DHRSX: variants seen among roughly 807,000 people sequenced by gnomAD.
DHRSX encodes the protein dehydrogenase/reductase X-linked, also known as polyprenol dehydrogenase.
Under a neutral mutation model 34.0 loss-of-function variants are expected in DHRSX, and 31 were observed. The observed-to-expected ratio is 0.91, with a 90% CI of 0.69 to 1.23. The LOEUF (loss-of-function observed/expected upper bound fraction) is 1.23. Among genes scored for constraint, DHRSX ranks in the 50% most tolerant of loss-of-function variants. The pLI, the probability that DHRSX is intolerant of heterozygous loss-of-function variation, is 0.00. For missense variants in DHRSX, 414 were observed against 428.1 expected (o/e 0.97, Z 0.29); for synonymous variants, 201 against 183.8 (o/e 1.09, Z -0.76).
chrX:2,346,024 G>A (rs187820563), intron 3 of DHRSX, among the ~76,000 whole-genome samples: 3 of 152,230 alleles, frequency 2.0e-5, no homozygotes, highest in Non-Finnish European at 4.4e-5. Context: ...CCCACCTCCC[G>A]TGGTATCCTT....
At chrX:2,230,671 C>T (rs186062631) in intron 6 of DHRSX, among the ~76,000 whole-genome samples, 291 of 152,262 alleles carry the variant, frequency 1.9e-3, no homozygotes, top group South Asian at 8.5e-3. Flanking sequence ...AAGGCCTTCA[C>T]AGCAAACACT....
intron 3 of DHRSX, among the ~76,000 whole-genome samples, chrX:2,404,386 G>C (rs1026522563): frequency 1.6e-4 from 24 of 152,132 alleles, no homozygotes; most frequent in African/African-American, 5.1e-4. Context: ...GCAGGGAATA[G>C]GACCCCCTGT....
At chrX:2,319,283 G>A (rs1234386933) in intron 3 of DHRSX, among the ~76,000 whole-genome samples, 4 of 136,288 alleles carry the variant, frequency 2.9e-5, no homozygotes, top group Non-Finnish European at 6.1e-5. Context: ...AGTGACTCAC[G>A]CCTATAATCC....
chrX:2,242,966 C>A (rs1192166266), intron 6 of DHRSX, 57 bp downstream of exon 6: 12 of 1,562,442 alleles, frequency 7.7e-6, no homozygotes, highest in Non-Finnish European at 9.6e-6. Flanking sequence ...CTGGGGACCC[C>A]CTTTCCTGTA....
chrX:2,270,835 T>TC (rs766040762), intron 4 of DHRSX, among the ~76,000 whole-genome samples: 7 of 152,164 alleles, frequency 4.6e-5, no homozygotes, highest in Admixed American at 4.6e-4. Flanking sequence ...AATGGACCAT[T>TC]CAGCAGTCTG....
intron 6 of DHRSX, among the ~76,000 whole-genome samples, chrX:2,235,308 G>GA (rs1262888756): frequency 8.6e-5 from 13 of 150,838 alleles, no homozygotes; most frequent in African/African-American, 3.2e-4. Context: ...GGTGGAGGAT[G>GA]AAAAAAATCA....
intron 3 of DHRSX, among the ~76,000 whole-genome samples, chrX:2,365,559 T>C (rs954220833): frequency 6.6e-6 from 1 of 152,090 alleles, no homozygotes; most frequent in Non-Finnish European, 1.5e-5. Flanking sequence ...AAACTTACAA[T>C]CTCTTTACTT....
chrX:2,427,962 G>T lies in DHRSX; in HGVS notation c.110-2658C>A, dbSNP rs747006773. ...GATGTTGTGTCTTTTGCAGCAACAC[G>T]AAGGGAACTGGAGGCCATTATCCTA... On this transcript the variant is annotated intron_variant, in intron 1 of 6. Coordinates refer to ENST00000334651, the MANE Select transcript of DHRSX (RefSeq NM_145177.3). Among the ~76,000 whole-genome samples, 29 of 152,222 alleles carry T rather than the reference G, an allele frequency of 1.9e-4. 1 individual carries two copies. The South Asian group carries it at 5.4e-3, about 28-fold the overall frequency.
intron 3 of DHRSX, among the ~76,000 whole-genome samples, chrX:2,329,497 G>A (rs1333071151): frequency 6.6e-6 from 1 of 152,122 alleles, no homozygotes; most frequent in South Asian, 2.1e-4. Flanking sequence ...AGAAGAGGTC[G>A]AATTTAGAGT....
At chrX:2,397,762 G>A (rs191686582) in intron 3 of DHRSX, among the ~76,000 whole-genome samples, 5 of 152,146 alleles carry the variant, frequency 3.3e-5, no homozygotes, top group Admixed American at 2.0e-4. Flanking sequence ...CCCAGTCCTC[G>A]TTACGGGCGG....
chrX:2,342,101 C>T (rs1174033166), intron 3 of DHRSX, among the ~76,000 whole-genome samples: 1 of 152,096 alleles, frequency 6.6e-6, no homozygotes, highest in Non-Finnish European at 1.5e-5. Flanking sequence ...CCACCTCGCC[C>T]GGCCGATTTA....
chrX:2,416,574 C>T (rs1435042232), intron 2 of DHRSX, among the ~76,000 whole-genome samples: 1 of 152,086 alleles, frequency 6.6e-6, no homozygotes, highest in Non-Finnish European at 1.5e-5. Flanking sequence ...ACTACTAGGG[C>T]AGAGCTCATA....
At chrX:2,351,202 C>T (rs1439158648) in intron 3 of DHRSX, among the ~76,000 whole-genome samples, 3 of 152,070 alleles carry the variant, frequency 2.0e-5, no homozygotes, top group African/African-American at 4.8e-5. Context: ...ACCTATGTAA[C>T]GAACCTGCAC....
At chrX:2,317,504 G>A (rs373902392) in intron 3 of DHRSX, among the ~76,000 whole-genome samples, 1 of 151,682 alleles carries the variant, frequency 6.6e-6, no homozygotes, top group Non-Finnish European at 1.5e-5. Context: ...CACCTGCCTC[G>A]GCCTCCCAAA....
At chrX:2,370,333 G>A (rs1327611695) in intron 3 of DHRSX, among the ~76,000 whole-genome samples, 8 of 151,506 alleles carry the variant, frequency 5.3e-5, no homozygotes, top group South Asian at 2.1e-4. Flanking sequence ...CACCATGCCC[G>A]GCTAATTTTT....
chrX:2,414,791 C>T (rs2043673469), intron 2 of DHRSX, among the ~76,000 whole-genome samples: 1 of 151,968 alleles, frequency 6.6e-6, no homozygotes, highest in African/African-American at 2.4e-5. Flanking sequence ...TCATCATGAC[C>T]CAATACAAGT....
intron 5 of DHRSX, among the ~76,000 whole-genome samples, chrX:2,251,848 G>A (rs1013488935): frequency 2.2e-4 from 33 of 152,142 alleles, no homozygotes; most frequent in African/African-American, 7.7e-4. Context: ...CCTTAGCCAT[G>A]GAGACTTTGC....
At chrX:2,443,668 C>T (rs2044090400) in intron 1 of DHRSX, among the ~76,000 whole-genome samples, 1 of 151,996 alleles carries the variant, frequency 6.6e-6, no homozygotes, top group Non-Finnish European at 1.5e-5. Context: ...AAGTTCTTTC[C>T]AACAGTGAGA....
intron 1 of DHRSX, chrX:2,490,558 G>T (rs150600366): frequency 6.2e-7 from 1 of 1,613,976 alleles, no homozygotes; most frequent in East Asian, 2.2e-5. Context: ...CGGAGTAGGC[G>T]ATCTGGGCCA....
Sources: allele counts gnomAD v4.1 joint callset (sites outside exome capture counted in the v4.1 genomes callset), GRCh38; gene constraint gnomAD v4.1.1; transcripts MANE v1.5; gene names NCBI Gene and HGNC (gene_info 2026-07-23, HGNC 2026-07-21).